The following ZNF722 variants were observed in gnomAD, a reference collection of about 807,000 sequenced individuals.
The protein encoded by ZNF722 is zinc finger protein 479 pseudogene.
the ZNF722 span, chr7:64,006,275 A>G: frequency 7.6e-7 from 1 of 1,316,298 alleles, no homozygotes; most frequent in Non-Finnish European, 1.1e-6. Context: ...CAAAATAAAG[A>G]GGCTTGGAAT....
At chr7:64,013,981 G>A in the ZNF722 span, among the ~76,000 whole-genome samples, 2 of 151,270 alleles carry the variant, frequency 1.3e-5, no homozygotes, top group African/African-American at 4.9e-5. Flanking sequence ...CAAGGTTTCT[G>A]TTGACAAATT....
chr7:64,000,370 C>G, the ZNF722 span, among the ~76,000 whole-genome samples: 9 of 149,560 alleles, frequency 6.0e-5, no homozygotes, highest in African/African-American at 2.2e-4. Flanking sequence ...CTCAGGTGAT[C>G]CACCCACCTG....
chr7:64,017,993 ATTGT>A, the ZNF722 span, among the ~76,000 whole-genome samples: 3 of 152,178 alleles, frequency 2.0e-5, no homozygotes, highest in Non-Finnish European at 4.4e-5. Context: ...GATATAAGAG[ATTGT>A]TTATCAATTG....
chr7:64,009,312 T>C, the ZNF722 span, among the ~76,000 whole-genome samples: 107,853 of 152,074 alleles, frequency 0.71, 38,824 homozygotes, highest in Non-Finnish European at 0.77. Flanking sequence ...GGCATCCCTG[T>C]CTTGTGCCAG....
At chr7:64,013,751 A>G in the ZNF722 span, among the ~76,000 whole-genome samples, 6 of 152,074 alleles carry the variant, frequency 3.9e-5, no homozygotes, top group African/African-American at 1.4e-4. Flanking sequence ...TTTTCATATG[A>G]TTATATATTC....
chr7:63,999,961 A>AT, the ZNF722 span, among the ~76,000 whole-genome samples: 1 of 151,872 alleles, frequency 6.6e-6, no homozygotes, highest in Non-Finnish European at 1.5e-5. Flanking sequence ...CTCCCAAAGC[A>AT]TTTGCATTAC....
the ZNF722 span, among the ~76,000 whole-genome samples, chr7:63,999,449 AAG>A: frequency 2.6e-5 from 4 of 152,182 alleles, no homozygotes; most frequent in African/African-American, 9.6e-5. Context: ...AGTGTGATTC[AAG>A]AGTCATAGAG....
the ZNF722 span, chr7:64,014,963 G>T: frequency 5.3e-6 from 6 of 1,134,606 alleles, no homozygotes; most frequent in Non-Finnish European, 7.6e-6. Context: ...TTATATATTC[G>T]ATTTGTAAAG....
the ZNF722 span, among the ~76,000 whole-genome samples, chr7:64,013,820 C>G: frequency 6.6e-6 from 1 of 152,034 alleles, no homozygotes; most frequent in Non-Finnish European, 1.5e-5. Context: ...AGGGTACATG[C>G]AGTGCTTATA....
the ZNF722 span, among the ~76,000 whole-genome samples, chr7:64,009,944 T>A: frequency 6.6e-6 from 1 of 152,190 alleles, no homozygotes; most frequent in Non-Finnish European, 1.5e-5. Flanking sequence ...TATTCAGGGA[T>A]TCAACTTCTT....
At chr7:64,012,316 C>G in the ZNF722 span, among the ~76,000 whole-genome samples, 1 of 152,290 alleles carries the variant, frequency 6.6e-6, no homozygotes, top group Admixed American at 6.5e-5. Flanking sequence ...TGTTCTGTTG[C>G]TGGCAAGAGG....
the ZNF722 span, among the ~76,000 whole-genome samples, chr7:64,009,086 A>G: frequency 2.7e-5 from 4 of 150,872 alleles, no homozygotes; most frequent in South Asian, 4.2e-4. Flanking sequence ...ATTTTTGCAC[A>G]TTGGTTTTGT....
chr7:64,015,436 G>A, the ZNF722 span: 8 of 1,595,282 alleles, frequency 5.0e-6, no homozygotes, highest in African/African-American at 2.7e-5. Context: ...TCCTTTAAAC[G>A]CTCCTCAAAC....
chr7:64,015,125 T>C, the ZNF722 span: 5 of 1,429,976 alleles, frequency 3.5e-6, no homozygotes, highest in Non-Finnish European at 4.9e-6. Flanking sequence ...AATGTGGACA[T>C]GAGAATTTAC....
At chr7:64,010,177 T>G in the ZNF722 span, among the ~76,000 whole-genome samples, 1 of 152,120 alleles carries the variant, frequency 6.6e-6, no homozygotes, top group Admixed American at 6.6e-5. Context: ...ATTTTGGTGA[T>G]CTGTTCAAAA....
At chr7:63,998,877 C>T in the ZNF722 span, 4 of 1,448,554 alleles carry the variant, frequency 2.8e-6, no homozygotes, top group Non-Finnish European at 3.8e-6. Context: ...TCCCGAGCTC[C>T]AGTTCTTTTC....
the ZNF722 span, among the ~76,000 whole-genome samples, chr7:64,000,578 G>A: frequency 4.1e-5 from 6 of 146,628 alleles, no homozygotes; most frequent in Admixed American, 3.5e-4. Context: ...AGCCTCCCAA[G>A]TAGCTGGGAT....
chr7:64,005,459 A>C, the ZNF722 span, among the ~76,000 whole-genome samples: 2 of 152,238 alleles, frequency 1.3e-5, no homozygotes, highest in African/African-American at 4.8e-5. Context: ...AGTGTTAAAA[A>C]TTATCTTATC....
At chr7:64,000,018 AT>A in the ZNF722 span, among the ~76,000 whole-genome samples, 34 of 149,090 alleles carry the variant, frequency 2.3e-4, no homozygotes, top group South Asian at 2.6e-3. Context: ...TTTGAGTTAG[AT>A]TTTTTTTTTA....
Sources: allele counts gnomAD v4.1 joint callset (sites outside exome capture counted in the v4.1 genomes callset), GRCh38; gene constraint gnomAD v4.1.1; transcripts MANE v1.5; gene names NCBI Gene and HGNC (gene_info 2026-07-23, HGNC 2026-07-21).